DMXL1: variants seen among roughly 807,000 people sequenced by gnomAD.
DMXL1 encodes Dmx like 1.
A neutral mutation model predicts 319.2 loss-of-function variants in DMXL1; 99 were observed. The ratio of observed to expected loss-of-function variants is 0.31; its 90% confidence interval spans 0.26 to 0.37. The LOEUF (loss-of-function observed/expected upper bound fraction) is 0.37. Ranked by LOEUF, DMXL1 falls within the 10% of genes least tolerant of loss-of-function variation. DMXL1 has a pLI of 1.00. For synonymous variants in DMXL1, 1,385 were observed against 1,235.2 expected (o/e 1.12, Z -2.54); for missense variants, 3,745 against 3,595.6 (o/e 1.04, Z -1.06).
In DMXL1 at chr5:119,178,010, A is replaced by G. The variant is rs1271934623; in HGVS notation, c.6901A>G (p.Ile2301Val). 1.2e-6 allele frequency: 2 copies of G among 1,606,266 alleles called. No homozygotes were observed. The highest frequency in any genetic ancestry group is 1.7e-5 in the Admixed American group (1 of 59,706). ...PAQWPGITCL[I>V]RLLNSSGEEA... ...TGTCGTTCTAGGAATAACTTGTCTA[A>G]TTCGACTTTTGAATTCTTCTGGCGA... The change falls in exon 28 of 44, where the codon ATT (isoleucine) becomes GTT (valine). Residue 2301 changes from isoleucine (I) to valine (V), a missense_variant. Ile to Val is a conservative substitution (Grantham distance 29, BLOSUM62 3). Coordinates refer to ENST00000539542, the MANE Select transcript of DMXL1 (RefSeq NM_001290321.3).
chr5:119,150,875 A>G (rs1189195382), intron 18 of DMXL1, among the ~76,000 whole-genome samples: 1 of 151,734 alleles, frequency 6.6e-6, no homozygotes, highest in Admixed American at 6.6e-5. Flanking sequence ...CCCCGAGACT[A>G]TCATAAACAG....
chr5:119,088,150 T>C (rs1392371122), intron 1 of DMXL1, among the ~76,000 whole-genome samples: 1 of 152,182 alleles, frequency 6.6e-6, no homozygotes, highest in African/African-American at 2.4e-5. Flanking sequence ...GATAGAGATA[T>C]TTATAATTGT....
At chr5:119,106,556 C>T (rs1053455604) in intron 4 of DMXL1, among the ~76,000 whole-genome samples, 1 of 152,020 alleles carries the variant, frequency 6.6e-6, no homozygotes, top group Non-Finnish European at 1.5e-5. Context: ...TTATAGGAGA[C>T]CTTTAAAGTC....
chr5:119,203,525 A>AT (rs1432196880), intron 33 of DMXL1, 89 bp downstream of exon 33: 2 of 725,456 alleles, frequency 2.8e-6, no homozygotes, highest in Non-Finnish European at 4.2e-6. Context: ...TATTTTACAG[A>AT]TTTTTTGAAA....
At position 119,171,917 on chromosome 5, in the gene DMXL1, A is replaced by G. The variant is rs777057320; in HGVS notation, c.6629A>G (p.His2210Arg). The part of the protein sequence containing the change: ...HLSNLTHDIL[H>R]AIINFDSPPH... ...AGTAATCTGACACATGATATTCTCC[A>G]TGCCATAATAAACTTTGATTCACCA... The change falls in exon 25 of 44, where the codon CAT becomes CGT. Residue 2210 changes from histidine to arginine, a missense_variant. Physicochemically the swap from His to Arg is conservative, Grantham distance 29. Transcript: ENST00000539542. The G allele has an allele frequency of 4.3e-6, 7 of 1,613,734 alleles. No individual in the cohort carries two copies. Among genetic ancestry groups the G allele is most frequent in the Non-Finnish European group, 5.9e-6 (7 of 1,179,874 alleles).
At chr5:119,214,086 A>G (rs1052949075) in intron 34 of DMXL1, among the ~76,000 whole-genome samples, 1 of 152,118 alleles carries the variant, frequency 6.6e-6, no homozygotes, top group African/African-American at 2.4e-5. Flanking sequence ...TATAATTTGT[A>G]TGCTGACAAC....
Position 119,098,122 on chromosome 5 carries a change from A to G in DMXL1, c.213+18A>G. On this transcript the variant is annotated intron_variant, in intron 2 of 43. Coordinates refer to ENST00000539542, the MANE Select transcript of DMXL1 (RefSeq NM_001290321.3). ...AAGGCAAGGTTTGTAATCTTCTTCT[A>G]ATATACAAATTTGTTTGGAATATGG... 1.3e-6 allele frequency: 2 copies of G among 1,595,294 alleles called. No homozygotes were observed. The highest frequency in any genetic ancestry group is 1.7e-6 in the Non-Finnish European group (2 of 1,175,294).
chr5:119,199,379 A>G (rs112002395), intron 32 of DMXL1, among the ~76,000 whole-genome samples: 1 of 152,198 alleles, frequency 6.6e-6, no homozygotes, highest in Non-Finnish European at 1.5e-5. Context: ...AGCTCCATCC[A>G]TGTTCCCACA....
intron 25 of DMXL1, among the ~76,000 whole-genome samples, chr5:119,173,345 C>G (rs916942813): frequency 1.5e-4 from 22 of 148,118 alleles, no homozygotes; most frequent in Admixed American, 1.3e-3. Context: ...CGCGCCCACC[C>G]CCCGCCAAAA....
At chr5:119,225,022 T>G (rs1181439403) in intron 38 of DMXL1, among the ~76,000 whole-genome samples, 1 of 152,012 alleles carries the variant, frequency 6.6e-6, no homozygotes, top group East Asian at 1.9e-4. Context: ...CCAATCAAAA[T>G]TTGCGACTAC....
Position 119,175,329 on chromosome 5 carries a change from T to C in DMXL1, c.6750T>C (p.His2250=). 1 of 1,605,076 alleles carries C rather than the reference T, an allele frequency of 6.2e-7. No individual in the cohort carries two copies. Among genetic ancestry groups the C allele is most frequent in the Non-Finnish European group, 8.5e-7 (1 of 1,174,074 alleles). ...TTTATCAGTGCCTTTGTGGTAGTCATAACTACAGGTAACTATCTTTTTATG... is the reference window on the plus strand; with the variant it reads ...TTTATCAGTGCCTTTGTGGTAGTCACAACTACAGGTAACTATCTTTTTATG... ...ACIYQCLCGS[H]NYSSFQTNQF... The change falls in exon 26 of 44, where the codon CAT becomes CAC. Residue 2250 remains histidine, a synonymous_variant. Coordinates refer to ENST00000539542, the MANE Select transcript of DMXL1 (RefSeq NM_001290321.3).
intron 15 of DMXL1, among the ~76,000 whole-genome samples, chr5:119,146,521 A>G (rs1398048173): frequency 6.6e-6 from 1 of 152,010 alleles, no homozygotes. Context: ...GTTGAAGTAC[A>G]TATTACATAG....
At chr5:119,218,610 C>G (rs1784107138) in intron 35 of DMXL1, among the ~76,000 whole-genome samples, 1 of 152,056 alleles carries the variant, frequency 6.6e-6, no homozygotes, top group African/African-American at 2.4e-5. Context: ...GTGTGCACCA[C>G]TACACCCAGC....
At chr5:119,166,889 G>A in intron 22 of DMXL1, 108 bp downstream of exon 22, 2 of 825,692 alleles carry the variant, frequency 2.4e-6, no homozygotes, top group South Asian at 2.3e-5. Context: ...AATAACACAA[G>A]GCCAAATATC....
At chr5:119,161,921 C>T (rs1358399112) in intron 19 of DMXL1, among the ~76,000 whole-genome samples, 1 of 152,222 alleles carries the variant, frequency 6.6e-6, no homozygotes, top group African/African-American at 2.4e-5. Flanking sequence ...CCACCAACGT[C>T]TGCAGGCTAG....
In DMXL1 at chr5:119,170,872, G is replaced by C; in HGVS notation, c.6081G>C (p.Gln2027His). The C allele has an allele frequency of 1.2e-6, 2 of 1,612,574 alleles. No individual in the cohort carries two copies. ...CATCAGAAGATATAATTGCAGTTCA[G>C]TTAAAATTTAGAGCATGTTTAAAGA... ...LNPSEDIIAV[Q>H]LKFRACLKIL... The change falls in exon 24 of 44, where the codon CAG becomes CAC. Residue 2027 changes from glutamine (Q) to histidine (H), a missense_variant. Transcript: ENST00000539542.
In DMXL1 at chr5:119,167,599, A is replaced by G. The variant is rs990727706; in HGVS notation, c.5137-4A>G. On this transcript the variant is annotated splice_polypyrimidine_tract_variant and splice_region_variant and intron_variant, in intron 22 of 43. Coordinates refer to ENST00000539542, the MANE Select transcript of DMXL1 (RefSeq NM_001290321.3). ...TTATTTAAAAACAATATTTTTTTTT[A>G]AAGGTATGTCTTGAGAAATTGAATG... is the stretch of plus-strand genomic sequence containing the variant. The G allele has an allele frequency of 1.3e-6, 2 of 1,541,456 alleles. No homozygotes were observed. The highest frequency in any genetic ancestry group is 1.8e-6 in the Non-Finnish European group (2 of 1,142,832).
chr5:119,182,475 T>C (rs574045106), intron 28 of DMXL1, among the ~76,000 whole-genome samples: 20 of 152,190 alleles, frequency 1.3e-4, no homozygotes, highest in Non-Finnish European at 2.6e-4. Context: ...GAGAGGAATT[T>C]GAAAGCCATC....
chr5:119,217,024 A>G (rs779639284), intron 35 of DMXL1, 37 bp downstream of exon 35: 2 of 1,189,122 alleles, frequency 1.7e-6, no homozygotes, highest in East Asian at 5.4e-5. Flanking sequence ...TTTATTAAGT[A>G]TTTATAGTTG....
Sources: gnomAD v4.1 joint callset for allele counts (sites outside exome capture counted in the v4.1 genomes callset) on GRCh38, gnomAD v4.1.1 for gene constraint, MANE v1.5 for transcripts, NCBI Gene and HGNC (gene_info 2026-07-23, HGNC 2026-07-21) for gene names.